Variants in ADAMTS20 observed in about 807,000 individuals in gnomAD.
The protein encoded by ADAMTS20 is A disintegrin and metalloproteinase with thrombospondin motifs 20.
In ADAMTS20, 225 loss-of-function variants were observed where a neutral mutation model predicts 260.1. That is an observed-to-expected ratio of 0.87 (90% CI 0.78 to 0.97). The LOEUF is 0.97. Among genes scored for constraint, ADAMTS20 ranks in the 50% least tolerant of loss-of-function variants. ADAMTS20 has a pLI of 0.00. For missense variants in ADAMTS20, 2,400 were observed against 2,337.7 expected, an observed-to-expected ratio of 1.03 and a Z score of -0.55; for synonymous variants, 802 against 769.5, an observed-to-expected ratio of 1.04 and a Z score of -0.70.
In ADAMTS20 at chr12:43,378,697, T is replaced by C. The variant is rs538545560; in HGVS notation, c.4798-1135A>G. On this transcript the variant is annotated intron_variant, in intron 31 of 38. Coordinates refer to ENST00000389420, the MANE Select transcript of ADAMTS20 (RefSeq NM_025003.5). ...TGGCTGACATGCAACAGAAAATTAATTGGAATGCAAAGAACCTGGAAAATA... is the reference window on the plus strand; with the variant it reads ...TGGCTGACATGCAACAGAAAATTAACTGGAATGCAAAGAACCTGGAAAATA... Among the ~76,000 whole-genome samples the C allele has an allele frequency of 5.3e-4, 80 of 152,226 alleles. 2 individuals carry two copies. In the Middle Eastern group the frequency reaches 0.014, roughly 26 times the overall value.
intron 14 of ADAMTS20, among the ~76,000 whole-genome samples, chr12:43,450,776 T>C (rs1476354982): frequency 6.6e-6 from 1 of 152,170 alleles, no homozygotes; most frequent in Non-Finnish European, 1.5e-5. Flanking sequence ...GTTTTTATCA[T>C]GTACAACATA....
intron 28 of ADAMTS20, among the ~76,000 whole-genome samples, chr12:43,403,352 T>C (rs1940849500): frequency 6.6e-6 from 1 of 152,142 alleles, no homozygotes; most frequent in Non-Finnish European, 1.5e-5. Flanking sequence ...GGAAATAAAA[T>C]TCATTTAGTT....
intron 37 of ADAMTS20, among the ~76,000 whole-genome samples, chr12:43,367,732 G>A (rs545881879): frequency 6.6e-6 from 1 of 152,168 alleles, no homozygotes; most frequent in African/African-American, 2.4e-5. Flanking sequence ...CTAGATTGAG[G>A]AGGAAGTAAA....
chr12:43,369,397 TAAAA>T lies in ADAMTS20; in HGVS notation c.5447-20_5447-17del. Reference sequence around the variant, plus strand: ...AGGTCCGTAGCTAGAAAATAATAAATAAAACTCTTTAGCATGGAGACAATAATGC... The same window carrying T: ...AGGTCCGTAGCTAGAAAATAATAAATCTCTTTAGCATGGAGACAATAATGC... On this transcript the variant is annotated splice_polypyrimidine_tract_variant and intron_variant, in intron 36 of 38. Coordinates refer to ENST00000389420, the MANE Select transcript of ADAMTS20 (RefSeq NM_025003.5). 2 of 1,437,610 alleles carry T rather than the reference TAAAA, an allele frequency of 1.4e-6. No individual in the cohort carries two copies. The highest frequency in any genetic ancestry group is 1.9e-6 in the Non-Finnish European group (2 of 1,080,662). 89.1% of individuals were successfully genotyped at this position (1,437,610 alleles called of 1,614,324 possible).
intron 2 of ADAMTS20, among the ~76,000 whole-genome samples, chr12:43,543,639 T>C (rs548464336): frequency 1.3e-5 from 2 of 152,304 alleles, no homozygotes; most frequent in Non-Finnish European, 2.9e-5. Context: ...CTTTGAGTTT[T>C]CTCCTTATAG....
chr12:43,357,471 A>G (rs1212034682), intron 37 of ADAMTS20, among the ~76,000 whole-genome samples: 1 of 152,192 alleles, frequency 6.6e-6, no homozygotes, highest in Admixed American at 6.5e-5. Flanking sequence ...TGTATATATA[A>G]TGTGAATTAT....
In ADAMTS20 at chr12:43,399,192, C is replaced by T; in HGVS notation, c.4326G>A (p.Val1442=). The T allele has an allele frequency of 1.9e-6, 3 of 1,582,274 alleles. No individual in the cohort carries two copies. Among genetic ancestry groups the T allele is most frequent in the Non-Finnish European group, 1.7e-6 (2 of 1,163,368 alleles). The change falls in exon 29 of 39, where the codon GTG becomes GTA. Residue 1442 remains valine (V), a synonymous_variant. Transcript: ENST00000389420. ...SCGKGRKYRE[V]FCIDQFQRKL... ...TCCTTTGGAATTGGTCAATGCAAAACACTTCACGGTACTTTCTACCTTTAC... is the reference window on the plus strand; with the variant it reads ...TCCTTTGGAATTGGTCAATGCAAAATACTTCACGGTACTTTCTACCTTTAC...
At chr12:43,496,816 G>A (rs1942683767) in intron 4 of ADAMTS20, among the ~76,000 whole-genome samples, 1 of 151,978 alleles carries the variant, frequency 6.6e-6, no homozygotes, top group Non-Finnish European at 1.5e-5. Flanking sequence ...TATCTTCATG[G>A]AATCTTGAAT....
At chr12:43,399,890 T>C (rs1940776060) in intron 28 of ADAMTS20, among the ~76,000 whole-genome samples, 1 of 152,026 alleles carries the variant, frequency 6.6e-6, no homozygotes, top group African/African-American at 2.4e-5. Context: ...ATTTTATGAG[T>C]GAGGACAGTG....
chr12:43,413,962 ACCT>A (rs1228080941), intron 28 of ADAMTS20, among the ~76,000 whole-genome samples: 1 of 152,010 alleles, frequency 6.6e-6, no homozygotes, highest in Non-Finnish European at 1.5e-5. Flanking sequence ...ACATTTTTTA[ACCT>A]CCTGTAATAA....
intron 10 of ADAMTS20, 111 bp from the exon 11 acceptor site, chr12:43,463,110 T>C: frequency 1.5e-6 from 1 of 664,054 alleles, no homozygotes; most frequent in South Asian, 3.1e-5. Flanking sequence ...AGTTCCATGG[T>C]ATAAGCTGAA....
intron 37 of ADAMTS20, among the ~76,000 whole-genome samples, chr12:43,358,877 A>G (rs1435796051): frequency 6.6e-6 from 1 of 151,436 alleles, no homozygotes; most frequent in Admixed American, 6.6e-5. Flanking sequence ...CAAGAGAACT[A>G]TAAGTGCCAT....
chr12:43,402,785 A>G (rs1220056576), intron 28 of ADAMTS20, among the ~76,000 whole-genome samples: 1 of 152,042 alleles, frequency 6.6e-6, no homozygotes, highest in African/African-American at 2.4e-5. Context: ...AGTGCTGTAT[A>G]ATTCATTTCT....
rs755872398 is a variant in ADAMTS20, at chr12:43,551,104, C to T, written c.258G>A (p.Gly86=). ...CGGTCAGGTTCAGCTGGAAGAGCTG[C>T]CCGTAGGCAGTGAAGCGATAGTGGG... ...FRTHYRFTAY[G]QLFQLNLTAD... The change falls in exon 2 of 39, where the codon GGG becomes GGA. Residue 86 remains glycine (G), a synonymous_variant. Coordinates refer to ENST00000389420, the MANE Select transcript of ADAMTS20 (RefSeq NM_025003.5). The surrounding 1 kb of genome is among the most constrained non-coding windows in gnomAD (Gnocchi z 4.6). The T allele has an allele frequency of 6.2e-7, 1 of 1,613,906 alleles. No homozygotes were observed. The highest frequency in any genetic ancestry group is 1.1e-5 in the South Asian group (1 of 91,080).
In ADAMTS20 at chr12:43,375,363, T is replaced by C. The variant is rs1219897049; in HGVS notation, c.5446+16A>G. On this transcript the variant is annotated intron_variant, in intron 36 of 38. Coordinates refer to ENST00000389420, the MANE Select transcript of ADAMTS20 (RefSeq NM_025003.5). ...ATGGAGGCTTTTTGATTTTAAAATA[T>C]AGATTGAGCACTTACTTTTAATTTG... The C allele has an allele frequency of 1.9e-6, 3 of 1,605,760 alleles. No homozygotes were observed. Among genetic ancestry groups the C allele is most frequent in the Non-Finnish European group, 2.5e-6 (3 of 1,177,642 alleles).
intron 3 of ADAMTS20, among the ~76,000 whole-genome samples, chr12:43,517,182 T>C (rs1280899966): frequency 6.6e-6 from 1 of 152,046 alleles, no homozygotes; most frequent in Non-Finnish European, 1.5e-5. Context: ...TATTGCTATT[T>C]CTAAGGACAG....
Position 43,532,124 on chromosome 12 carries a change from A to G in ADAMTS20, c.525T>C (p.Tyr175=), listed in dbSNP as rs1592113206. ...GATGTGGCTTGTTGTGACCATCTTC[A>G]TATTCATTCCCATCTGCCTTCATTA... ...EPIMKADGNE[Y]EDGHNKPHLI... is the part of the protein sequence containing the mutation. The change falls in exon 3 of 39, where the codon TAT becomes TAC. Residue 175 remains tyrosine, a synonymous_variant. Coordinates refer to ENST00000389420, the MANE Select transcript of ADAMTS20 (RefSeq NM_025003.5). 1 of 1,612,540 alleles carries G rather than the reference A, an allele frequency of 6.2e-7. No homozygotes were observed. Among genetic ancestry groups the G allele is most frequent in the South Asian group, 1.1e-5 (1 of 90,998 alleles).
chr12:43,455,371 C>T (rs970066016), intron 11 of ADAMTS20, among the ~76,000 whole-genome samples: 6 of 152,208 alleles, frequency 3.9e-5, no homozygotes, highest in African/African-American at 1.4e-4. Flanking sequence ...AAGGTACCGG[C>T]AGGTTTGGTG....
At chr12:43,515,133 C>CT (rs1303916341) in intron 3 of ADAMTS20, among the ~76,000 whole-genome samples, 1 of 152,200 alleles carries the variant, frequency 6.6e-6, no homozygotes, top group Non-Finnish European at 1.5e-5. Context: ...CAATCTCTAA[C>CT]TATCTGCTCC....
Sources: allele counts gnomAD v4.1 joint callset (sites outside exome capture counted in the v4.1 genomes callset), GRCh38; gene constraint gnomAD v4.1.1; non-coding constraint Gnocchi (gnomAD v3.1); transcripts MANE v1.5; gene names NCBI Gene and HGNC (gene_info 2026-07-23, HGNC 2026-07-21).